The following MPP7 variants were observed in gnomAD, a reference collection of about 807,000 sequenced individuals.
The protein encoded by MPP7 is MAGUK p55 scaffold protein 7.
MPP7 carries 60 observed loss-of-function variants against 76.5 expected under a neutral mutation model. The ratio of observed to expected loss-of-function variants is 0.78; its 90% CI spans 0.64 to 0.97. The LOEUF (loss-of-function observed/expected upper bound fraction) is 0.97. Ranked by LOEUF, MPP7 falls within the 50% of genes least tolerant of loss-of-function variation. The pLI, the probability that MPP7 is intolerant of heterozygous loss-of-function variation, is 0.00. For synonymous variants in MPP7, 237 were observed against 244.5 expected, an observed-to-expected ratio of 0.97 and a Z score of 0.29; for missense variants, 641 against 694.0, an observed-to-expected ratio of 0.92 and a Z score of 0.86.
At chr10:28,258,401 TATATAA>T (rs1206297834) in intron 1 of MPP7, among the ~76,000 whole-genome samples, 1 of 141,174 alleles carries the variant, frequency 7.1e-6, no homozygotes, top group African/African-American at 2.8e-5. Context: ...TATATATATA[TATATAA>T]ATTTTTTTTT....
intron 3 of MPP7, among the ~76,000 whole-genome samples, chr10:28,175,020 A>T (rs1298722804): frequency 6.6e-6 from 1 of 152,160 alleles, no homozygotes; most frequent in Non-Finnish European, 1.5e-5. Context: ...ATGGCTGAGC[A>T]TGGTGGCTCA....
chr10:28,256,666 T>C (rs1464342015), intron 1 of MPP7, among the ~76,000 whole-genome samples: 1 of 152,228 alleles, frequency 6.6e-6, no homozygotes, highest in African/African-American at 2.4e-5. Context: ...CAATGAGTAT[T>C]TATTCAAGTC....
intron 1 of MPP7, among the ~76,000 whole-genome samples, chr10:28,266,055 G>A (rs1399722126): frequency 6.6e-6 from 1 of 152,120 alleles, no homozygotes; most frequent in Non-Finnish European, 1.5e-5. Context: ...CGCCTCCCGA[G>A]TTCAAGCGAT....
intron 12 of MPP7, among the ~76,000 whole-genome samples, chr10:28,088,492 G>A (rs1343601947): frequency 6.6e-6 from 1 of 152,094 alleles, no homozygotes; most frequent in Non-Finnish European, 1.5e-5. Flanking sequence ...GCCCGCTCCT[G>A]TTTCCCCTTC....
intron 1 of MPP7, among the ~76,000 whole-genome samples, chr10:28,333,486 T>C (rs1040336010): frequency 3.3e-5 from 5 of 152,190 alleles, no homozygotes; most frequent in Non-Finnish European, 7.3e-5. Flanking sequence ...CTATCCTGTT[T>C]AGCACACATC....
intron 3 of MPP7, among the ~76,000 whole-genome samples, chr10:28,167,921 CA>C (rs1363879888): frequency 6.6e-6 from 1 of 152,150 alleles, no homozygotes; most frequent in African/African-American, 2.4e-5. Flanking sequence ...CACTAATTTG[CA>C]ACTCATGCTT....
chr10:28,151,336 T>C (rs1286475061), intron 3 of MPP7, among the ~76,000 whole-genome samples: 1 of 152,208 alleles, frequency 6.6e-6, no homozygotes, highest in East Asian at 1.9e-4. Flanking sequence ...CTTTAAAGAC[T>C]GTAAGCTATA....
chr10:28,318,536 T>C (rs1834340823), intron 2 of MPP7, among the ~76,000 whole-genome samples: 1 of 152,086 alleles, frequency 6.6e-6, no homozygotes, highest in African/African-American at 2.4e-5. Flanking sequence ...ACTATAAAAA[T>C]TAGCTGGACA....
intron 2 of MPP7, among the ~76,000 whole-genome samples, chr10:28,229,058 T>A (rs750576559): frequency 1.1e-4 from 16 of 152,144 alleles, no homozygotes; most frequent in Non-Finnish European, 1.3e-4. Context: ...GAAGTACAGG[T>A]AACATCTTAA....
chr10:28,071,404 C>T (rs995536279), intron 12 of MPP7, among the ~76,000 whole-genome samples: 1 of 152,176 alleles, frequency 6.6e-6, no homozygotes, highest in African/African-American at 2.4e-5. Context: ...TGTATAAAAA[C>T]ACCTGTCCCG....
At chr10:28,305,124 AT>A (rs1282530840), upstream of MPP7, among the ~76,000 whole-genome samples, 2 of 152,246 alleles carry the variant, frequency 1.3e-5, no homozygotes, top group East Asian at 1.9e-4. Context: ...CACCACCTAA[AT>A]AAGAAAACAC....
intron 5 of MPP7, among the ~76,000 whole-genome samples, chr10:28,137,351 CA>C (rs1325473295): frequency 1.3e-5 from 2 of 152,112 alleles, no homozygotes; most frequent in Non-Finnish European, 2.9e-5. Context: ...GTCTTTCAGA[CA>C]GGAGGAAAAT....
At chr10:28,122,534 C>A (rs1212552479) in intron 8 of MPP7, among the ~76,000 whole-genome samples, 2 of 152,010 alleles carry the variant, frequency 1.3e-5, no homozygotes, top group African/African-American at 2.4e-5. Context: ...ATAAATATAC[C>A]TATTTTCCTA....
chr10:28,154,226 C>A (rs1241269418), intron 3 of MPP7, among the ~76,000 whole-genome samples: 11 of 152,140 alleles, frequency 7.2e-5, no homozygotes, highest in African/African-American at 2.7e-4. Flanking sequence ...CCAGGAAGAG[C>A]CAGACCAGCT....
At chr10:28,163,718 C>T (rs191106297) in intron 3 of MPP7, among the ~76,000 whole-genome samples, 4 of 152,078 alleles carry the variant, frequency 2.6e-5, no homozygotes, top group Non-Finnish European at 5.9e-5. Context: ...GTGACCGAGG[C>T]GGGTGGATCA....
At chr10:28,233,574 C>T (rs988768947) in intron 2 of MPP7, among the ~76,000 whole-genome samples, 2 of 151,722 alleles carry the variant, frequency 1.3e-5, no homozygotes, top group Non-Finnish European at 2.9e-5. Flanking sequence ...AAAAATTAGC[C>T]GGGCGTGGTG....
intron 1 of MPP7, among the ~76,000 whole-genome samples, chr10:28,289,697 G>A (rs989242007): frequency 9.9e-5 from 15 of 152,210 alleles, no homozygotes; most frequent in African/African-American, 3.6e-4. Context: ...AACCCACTCT[G>A]GGCTTTGGGT....
chr10:28,081,271 A>G (rs1852747087), intron 12 of MPP7, among the ~76,000 whole-genome samples: 1 of 152,196 alleles, frequency 6.6e-6, no homozygotes, highest in Non-Finnish European at 1.5e-5. Context: ...GTTGCTTTTT[A>G]ACACCTAAGT....
At chr10:28,281,089 C>CT (rs746593561) in intron 1 of MPP7, among the ~76,000 whole-genome samples, 14 of 150,430 alleles carry the variant, frequency 9.3e-5, no homozygotes, top group Non-Finnish European at 1.6e-4. Context: ...TTTTTTCTTT[C>CT]TTTTTTTTGA....
Sources: allele counts gnomAD v4.1 joint callset (sites outside exome capture counted in the v4.1 genomes callset), GRCh38; gene constraint gnomAD v4.1.1; transcripts MANE v1.5; gene names NCBI Gene and HGNC (gene_info 2026-07-23, HGNC 2026-07-21).